FRMD4B: variants seen among roughly 807,000 people sequenced by gnomAD.
FRMD4B encodes the protein FERM domain-containing protein 4B.
In FRMD4B, 74 loss-of-function variants were observed where a neutral mutation model predicts 141.5. The ratio of observed to expected loss-of-function variants is 0.52; its 90% confidence interval spans 0.43 to 0.63. FRMD4B has a LOEUF of 0.63. Among genes scored for constraint, FRMD4B ranks in the 30% least tolerant of loss-of-function variants. The probability of loss-of-function intolerance (pLI) is 0.00; values close to 1 mark genes in which losing one functional copy is unlikely to be tolerated. For synonymous variants in FRMD4B, 506 were observed against 467.9 expected (o/e 1.08, Z -1.05); for missense variants, 1,366 against 1,253.4 (o/e 1.09, Z -1.36).
chr3:69,359,140 G>C (rs544348538), intron 1 of FRMD4B, among the ~76,000 whole-genome samples: 1 of 152,216 alleles, frequency 6.6e-6, no homozygotes, highest in East Asian at 1.9e-4. Flanking sequence ...GTATCCAGAG[G>C]GTGGCATGAA....
rs191970712 is a variant in FRMD4B at position 69,465,413 on chromosome 3, A to T, written c.-128-32652T>A. Reference sequence around the variant, plus strand: ...TTATTCTTTCTTTAAAATTATTATTATACTTTAAGTTCTAGGGTACACAAC... The same window carrying T: ...TTATTCTTTCTTTAAAATTATTATTTTACTTTAAGTTCTAGGGTACACAAC... On this transcript the variant is annotated intron_variant, in intron 1 of 5. Transcript: ENST00000459638. 3.3e-3 allele frequency among the ~76,000 whole-genome samples: 495 copies of T among 151,960 alleles called. 3 individuals are homozygous for T. The highest frequency in any genetic ancestry group is 0.012 in the African/African-American group (477 of 41,436).
At chr3:69,390,685 G>T (rs1200229795), upstream of FRMD4B, among the ~76,000 whole-genome samples, 1 of 152,082 alleles carries the variant, frequency 6.6e-6, no homozygotes, top group East Asian at 1.9e-4. Context: ...TTGAGGTCAG[G>T]AGTTTGAGAA....
At chr3:69,447,430 A>G (rs746678338) in intron 1 of FRMD4B, among the ~76,000 whole-genome samples, 13 of 152,216 alleles carry the variant, frequency 8.5e-5, no homozygotes, top group Non-Finnish European at 1.6e-4. Flanking sequence ...TAAAAAATCA[A>G]CTTTTTTGAG....
At chr3:69,365,952 C>T in intron 1 of FRMD4B, among the ~76,000 whole-genome samples, 1 of 151,958 alleles carries the variant, frequency 6.6e-6, no homozygotes, top group African/African-American at 2.4e-5. Context: ...AGCATGGTGG[C>T]TTATGCCCGT....
chr3:69,488,145 G>C (rs1706247733), intron 1 of FRMD4B, among the ~76,000 whole-genome samples: 1 of 152,150 alleles, frequency 6.6e-6, no homozygotes, highest in Non-Finnish European at 1.5e-5. Context: ...AAGGAGCTTT[G>C]GAGTAGATAT....
At chr3:69,286,158 C>T (rs1320233361) in intron 5 of FRMD4B, among the ~76,000 whole-genome samples, 3 of 152,136 alleles carry the variant, frequency 2.0e-5, no homozygotes, top group Admixed American at 2.0e-4. Flanking sequence ...AAAGGAAGTC[C>T]TCCAGGCAGA....
intron 1 of FRMD4B, among the ~76,000 whole-genome samples, chr3:69,476,586 C>A (rs146417420): frequency 0.17 from 26,295 of 151,940 alleles, 2,616 homozygotes; most frequent in African/African-American, 0.27. Context: ...TACCAGTACC[C>A]TGCTGTTTTG....
intron 2 of FRMD4B, among the ~76,000 whole-genome samples, chr3:69,419,665 C>T (rs1704936466): frequency 1.3e-5 from 2 of 152,090 alleles, no homozygotes; most frequent in South Asian, 4.1e-4. Context: ...TCACAGGTGC[C>T]CATGACATAG....
At chr3:69,310,444 T>C in intron 3 of FRMD4B, 2 of 456,568 alleles carry the variant, frequency 4.4e-6, no homozygotes, top group South Asian at 3.1e-5. Flanking sequence ...AGGAGCTCTT[T>C]GGAAATTATC....
chr3:69,201,884 C>T (rs1431430820), intron 11 of FRMD4B, among the ~76,000 whole-genome samples: 1 of 152,128 alleles, frequency 6.6e-6, no homozygotes, highest in South Asian at 2.1e-4. Flanking sequence ...AAGGCACCCT[C>T]TGGTCAAAAT....
intron 1 of FRMD4B, among the ~76,000 whole-genome samples, chr3:69,318,981 G>A (rs1701898540): frequency 6.6e-6 from 1 of 152,156 alleles, no homozygotes; most frequent in South Asian, 2.1e-4. Flanking sequence ...TCATCTGAGT[G>A]AGCAAACCCT....
chr3:69,365,297 G>A (rs1575766941), intron 1 of FRMD4B, among the ~76,000 whole-genome samples: 2 of 152,022 alleles, frequency 1.3e-5, no homozygotes, highest in African/African-American at 2.4e-5. Flanking sequence ...CAATGTTATC[G>A]GGCAAGAACA....
intron 7 of FRMD4B, among the ~76,000 whole-genome samples, chr3:69,246,205 C>T (rs1161314098): frequency 1.3e-5 from 2 of 152,072 alleles, no homozygotes; most frequent in Non-Finnish European, 1.5e-5. Context: ...CCTGTAATCT[C>T]GGCGCTTTGG....
At position 69,300,897 on chromosome 3, in the gene FRMD4B, G is replaced by A. The variant is rs142825242; in HGVS notation, c.416+1446C>T. Among the ~76,000 whole-genome samples the A allele has an allele frequency of 6.0e-3, 918 of 152,126 alleles. 10 individuals carry two copies. Among genetic ancestry groups the A allele is most frequent in the Non-Finnish European group, 9.0e-3 (609 of 67,994 alleles). On this transcript the variant is annotated intron_variant, in intron 4 of 22. Transcript: ENST00000398540. ...ATTACAGATGCCCACCACCAAGCCT[G>A]GCTAATTTTTGTATTTTTAGTAGAG...
chr3:69,411,519 C>G (rs936941892), intron 2 of FRMD4B, among the ~76,000 whole-genome samples: 1 of 152,160 alleles, frequency 6.6e-6, no homozygotes, highest in African/African-American at 2.4e-5. Flanking sequence ...TGAATCACCC[C>G]AGGCTCCATC....
intron 1 of FRMD4B, among the ~76,000 whole-genome samples, chr3:69,346,805 C>T (rs1204167105): frequency 1.3e-5 from 2 of 152,170 alleles, no homozygotes; most frequent in African/African-American, 2.4e-5. Flanking sequence ...ACCACCAGGC[C>T]TGCCCTAAAA....
At chr3:69,353,473 G>T in intron 1 of FRMD4B, 2 of 586,994 alleles carry the variant, frequency 3.4e-6, no homozygotes, top group Non-Finnish European at 4.3e-6. Flanking sequence ...GCTATGAAAT[G>T]CCAGTCAAAG....
At chr3:69,326,733 A>C (rs1702204698) in intron 1 of FRMD4B, among the ~76,000 whole-genome samples, 1 of 152,254 alleles carries the variant, frequency 6.6e-6, no homozygotes, top group Non-Finnish European at 1.5e-5. Context: ...CAGGGTATAT[A>C]TCTACATGGA....
At chr3:69,461,407 A>C (rs1443183963) in intron 1 of FRMD4B, among the ~76,000 whole-genome samples, 1 of 151,802 alleles carries the variant, frequency 6.6e-6, no homozygotes, top group East Asian at 1.9e-4. Context: ...TAAAATAAAT[A>C]AATCAATAAA....
Sources: gnomAD v4.1 joint callset for allele counts (sites outside exome capture counted in the v4.1 genomes callset) on GRCh38, gnomAD v4.1.1 for gene constraint, MANE v1.5 for transcripts, NCBI Gene and HGNC (gene_info 2026-07-23, HGNC 2026-07-21) for gene names.